SLC16A10: variants seen among roughly 807,000 people sequenced by gnomAD.
SLC16A10 encodes monocarboxylate transporter 10.
A neutral mutation model predicts 40.0 loss-of-function variants in SLC16A10; 27 were observed. The observed-to-expected ratio is 0.67, with a 90% confidence interval of 0.50 to 0.93. The LOEUF (loss-of-function observed/expected upper bound fraction) is 0.93, where lower values mean the gene tolerates loss of function less well. Among genes scored for constraint, SLC16A10 ranks in the 40% least tolerant of loss-of-function variants. SLC16A10 has a pLI of 0.00. For missense variants in SLC16A10, 529 were observed against 658.2 expected, an observed-to-expected ratio of 0.80 and a Z score of 2.15; for synonymous variants, 213 against 249.8, an observed-to-expected ratio of 0.85 and a Z score of 1.39.
At chr6:111,153,568 G>A (rs1313749754) in intron 1 of SLC16A10, among the ~76,000 whole-genome samples, 2 of 152,088 alleles carry the variant, frequency 1.3e-5, no homozygotes, top group East Asian at 3.9e-4. Context: ...AATAAAAGCA[G>A]TGTGGTTGCT....
chr6:111,104,145 C>T lies in SLC16A10; in HGVS notation c.343+16050C>T, dbSNP rs574716721. Among the ~76,000 whole-genome samples the T allele has an allele frequency of 7.2e-5, 11 of 152,106 alleles. No homozygotes were observed. In the East Asian group the frequency reaches 1.9e-3, roughly 27 times the overall value. On this transcript the variant is annotated intron_variant, in intron 1 of 5. Transcript: ENST00000368851. ...GGCAAAGAATGGTGGAGCTGGGGAA[C>T]GGAAGATCTAAATGCCAAGGTAAGC...
intron 1 of SLC16A10, among the ~76,000 whole-genome samples, chr6:111,164,227 A>G (rs1160817451): frequency 6.8e-6 from 1 of 146,500 alleles, no homozygotes; most frequent in East Asian, 1.9e-4. Context: ...GCCTTCTTAT[A>G]ATCCTTTACT....
At chr6:111,164,150 A>C (rs1024422782) in intron 1 of SLC16A10, among the ~76,000 whole-genome samples, 1 of 152,156 alleles carries the variant, frequency 6.6e-6, no homozygotes, top group Non-Finnish European at 1.5e-5. Context: ...ACAACCTTCA[A>C]CTTTATCTTA....
At chr6:111,169,465 T>C (rs2114538018) in intron 1 of SLC16A10, among the ~76,000 whole-genome samples, 1 of 152,354 alleles carries the variant, frequency 6.6e-6, no homozygotes, top group South Asian at 2.1e-4. Flanking sequence ...GGAGGGCTCA[T>C]GTTGGAATCT....
chr6:111,184,493 T>C (rs937935595), intron 3 of SLC16A10, among the ~76,000 whole-genome samples: 3 of 152,042 alleles, frequency 2.0e-5, no homozygotes, highest in Non-Finnish European at 4.4e-5. Context: ...GATTTTTTTT[T>C]TTTTTTGAGA....
chr6:111,227,102 G>C lies in SLC16A10; in HGVS notation c.*4867G>C, dbSNP rs1358404643. The C allele has an allele frequency of 6.6e-6, 1 of 152,234 alleles. No homozygotes were observed. Among genetic ancestry groups the C allele is most frequent in the Non-Finnish European group, 1.5e-5 (1 of 68,088 alleles). The allele number at this position is 152,234 out of a possible 1,614,324, so 9.4% of individuals were successfully genotyped here. A position where few individuals can be genotyped will look rare whatever the true frequency, so the allele number is the denominator to read the frequency against. On this transcript the variant is annotated 3_prime_UTR_variant, in exon 6 of 6. Coordinates refer to ENST00000368851, the MANE Select transcript of SLC16A10 (RefSeq NM_018593.5). ...GGTTGCACCACTGCACTCCAGCCTGGGTGACAAAATGAGACCTTGTCTACA... is the reference window on the plus strand; with the variant it reads ...GGTTGCACCACTGCACTCCAGCCTGCGTGACAAAATGAGACCTTGTCTACA...
rs374788640 is a variant in SLC16A10, at chr6:111,188,919, G to C, written c.942+11254G>C. On this transcript the variant is annotated intron_variant, in intron 3 of 5. Transcript: ENST00000368851. ...ATTGAGGCTCAGAGAGGTTTAAAAG[G>C]TTTGCCTAAGGTTGCACAGTTAAGT... is the stretch of plus-strand genomic sequence containing the variant. Among the ~76,000 whole-genome samples the C allele has an allele frequency of 2.6e-5, 4 of 152,168 alleles. No individual in the cohort carries two copies. In the East Asian group the frequency reaches 7.7e-4, roughly 29 times the overall value.
chr6:111,173,726 C>T (rs765966524), intron 2 of SLC16A10, among the ~76,000 whole-genome samples: 4 of 152,254 alleles, frequency 2.6e-5, no homozygotes, highest in East Asian at 3.9e-4. Flanking sequence ...CACTTTCTCC[C>T]GTCACACCCA....
intron 3 of SLC16A10, among the ~76,000 whole-genome samples, chr6:111,187,941 C>T (rs1772926579): frequency 1.3e-5 from 2 of 152,142 alleles, no homozygotes; most frequent in South Asian, 4.1e-4. Context: ...CAGGAATGGG[C>T]TGCTGAAGGT....
At chr6:111,131,705 T>A (rs1771786828) in intron 1 of SLC16A10, among the ~76,000 whole-genome samples, 1 of 152,198 alleles carries the variant, frequency 6.6e-6, no homozygotes, top group Admixed American at 6.5e-5. Context: ...TTGGGCTGTC[T>A]GGAACCAGCT....
chr6:111,185,298 A>G (rs756843003), intron 3 of SLC16A10, among the ~76,000 whole-genome samples: 1 of 152,182 alleles, frequency 6.6e-6, no homozygotes, highest in Non-Finnish European at 1.5e-5. Flanking sequence ...GCATTCCTTC[A>G]TTGCTAATCC....
At chr6:111,220,371 A>G (rs1231737245) in intron 5 of SLC16A10, among the ~76,000 whole-genome samples, 1 of 152,206 alleles carries the variant, frequency 6.6e-6, no homozygotes, top group Non-Finnish European at 1.5e-5. Context: ...AATTCTCTGA[A>G]TGATATTATA....
chr6:111,117,368 A>G (rs943913831), intron 1 of SLC16A10, among the ~76,000 whole-genome samples: 2 of 151,878 alleles, frequency 1.3e-5, no homozygotes, highest in African/African-American at 4.8e-5. Flanking sequence ...AAAAAAAAAA[A>G]AAAAAAAAGT....
At chr6:111,089,185 G>T (rs1239043705) in intron 1 of SLC16A10, among the ~76,000 whole-genome samples, 1 of 152,076 alleles carries the variant, frequency 6.6e-6, no homozygotes, top group Admixed American at 6.6e-5. Context: ...GAATGGGCAA[G>T]ACTGTAATAA....
rs929542571 is a variant in SLC16A10 at position 111,229,179 on chromosome 6, A to G, written c.*6944A>G. 2 of 152,182 alleles carry G rather than the reference A, an allele frequency of 1.3e-5. No individual in the cohort carries two copies. Among genetic ancestry groups the G allele is most frequent in the East Asian group, 3.8e-4 (2 of 5,204 alleles). 9.4% of individuals were successfully genotyped at this position (152,182 alleles called of 1,614,324 possible). On this transcript the variant is annotated 3_prime_UTR_variant, in exon 6 of 6. Coordinates refer to ENST00000368851, the MANE Select transcript of SLC16A10 (RefSeq NM_018593.5). The stretch of plus-strand genomic sequence containing the variant: ...CCTTTCAAAATTATTTTTCTTTTAA[A>G]AATATTAATATACAACACAATAGAA...
chr6:111,218,921 C>T lies in SLC16A10; in HGVS notation c.1194C>T (p.Cys398=), dbSNP rs1243049851. 3 of 1,613,998 alleles carry T rather than the reference C, an allele frequency of 1.9e-6. No individual in the cohort carries two copies. Among genetic ancestry groups the T allele is most frequent in the Non-Finnish European group, 2.5e-6 (3 of 1,180,026 alleles). ...VCLIMGLFDG[C]FISIMAPIAF... Reference sequence around the variant, plus strand: ...TCATCATGGGTCTCTTCGATGGATGCTTCATTTCCATTATGGCTCCCATAG... The same window carrying T: ...TCATCATGGGTCTCTTCGATGGATGTTTCATTTCCATTATGGCTCCCATAG... The change falls in exon 5 of 6, where the codon TGC becomes TGT. Residue 398 remains cysteine, a synonymous_variant. Transcript: ENST00000368851.
intron 1 of SLC16A10, among the ~76,000 whole-genome samples, chr6:111,088,856 C>T (rs538354520): frequency 6.6e-6 from 1 of 152,176 alleles, no homozygotes; most frequent in Admixed American, 6.5e-5. Flanking sequence ...GACTTTTTGG[C>T]TGGTTAGGCA....
rs146090337 is a variant in SLC16A10 at position 111,177,175 on chromosome 6, T to C, written c.489-37T>C. ...TTCTACCAAGCACACAGTAACAATA[T>C]TGAAAGCTGCTTTCCATCTTTTTCA... On this transcript the variant is annotated intron_variant, in intron 2 of 5. Transcript: ENST00000368851. 2.8e-4 allele frequency: 387 copies of C among 1,373,202 alleles called. 1 individual carries two copies. The African/African-American group carries it at 5.1e-3, about 18-fold the overall frequency. 85.1% of individuals were successfully genotyped at this position (1,373,202 alleles called of 1,614,324 possible).
At chr6:111,182,310 CTTTTTTTTTTT>C (rs372963281) in intron 3 of SLC16A10, among the ~76,000 whole-genome samples, 1 of 103,624 alleles carries the variant, frequency 9.7e-6, no homozygotes, top group Non-Finnish European at 1.8e-5. Context: ...CTCTGGGTTT[CTTTTTTTTTTT>C]TTTTTTTTTT....
Sources: allele counts gnomAD v4.1 joint callset (sites outside exome capture counted in the v4.1 genomes callset), GRCh38; gene constraint gnomAD v4.1.1; transcripts MANE v1.5; gene names NCBI Gene and HGNC (gene_info 2026-07-23, HGNC 2026-07-21).